RELL1: variants seen among roughly 807,000 people sequenced by gnomAD.
RELL1 encodes RELT-like protein 1.
RELL1 carries 10 observed loss-of-function variants against 23.0 expected under a neutral mutation model. The observed-to-expected ratio is 0.43, with a 90% confidence interval of 0.27 to 0.74. RELL1 has a LOEUF of 0.74. Ranked by LOEUF, RELL1 falls within the 30% of genes least tolerant of loss-of-function variation. The pLI, the probability that RELL1 is intolerant of heterozygous loss-of-function variation, is 0.19. For synonymous variants in RELL1, 146 were observed against 146.8 expected (o/e 0.99, Z 0.04); for missense variants, 315 against 364.4 (o/e 0.86, Z 1.10).
chr4:37,605,739 CAAG>C (rs1371349314), downstream of RELL1, among the ~76,000 whole-genome samples: 1 of 110,818 alleles, frequency 9.0e-6, no homozygotes, highest in Non-Finnish European at 1.8e-5. Flanking sequence ...GAGACTTTGT[CAAG>C]AAAGAAAGAA....
In RELL1 at chr4:37,634,776, T is replaced by C; in HGVS notation, c.680+111A>G. On this transcript the variant is annotated intron_variant, in intron 5 of 6. Transcript: ENST00000454158. ...AAAACATCTAAAAAGCCCAGAGATA[T>C]AACCTGAGACAGGCACAGAGAACAT... The C allele has an allele frequency of 4.2e-6, 4 of 949,130 alleles. No homozygotes were observed. In the East Asian group the frequency reaches 9.6e-5, roughly 23 times the overall value. 58.8% of individuals were successfully genotyped at this position (949,130 alleles called of 1,614,324 possible).
At chr4:37,669,864 C>A (rs1309939068) in intron 1 of RELL1, among the ~76,000 whole-genome samples, 9 of 151,500 alleles carry the variant, frequency 5.9e-5, no homozygotes, top group South Asian at 4.2e-4. Context: ...GTCATCACCA[C>A]TCCCTAATCT....
At chr4:37,604,798 G>GACACACACACACACACACACACAC (rs368655689) in intron 6 of RELL1, among the ~76,000 whole-genome samples, 4 of 116,432 alleles carry the variant, frequency 3.4e-5, no homozygotes, top group South Asian at 2.8e-4. Flanking sequence ...CACACACACA[G>GACACACACACACACACACACACAC]ACACACACAC....
chr4:37,681,501 C>A (rs554911743), intron 1 of RELL1, among the ~76,000 whole-genome samples: 28 of 143,672 alleles, frequency 1.9e-4, no homozygotes, highest in Admixed American at 6.4e-4. Context: ...ATGCTGCAGG[C>A]ATCAGGGTCT....
At chr4:37,668,548 C>T (rs1453702638) in intron 1 of RELL1, among the ~76,000 whole-genome samples, 2 of 152,014 alleles carry the variant, frequency 1.3e-5, no homozygotes, top group African/African-American at 4.8e-5. Context: ...AGTGCAGTGG[C>T]GTGATCTCGG....
At chr4:37,609,964 G>A (rs1719324914), downstream of RELL1, among the ~76,000 whole-genome samples, 1 of 152,156 alleles carries the variant, frequency 6.6e-6, no homozygotes, top group Admixed American at 6.5e-5. Flanking sequence ...AGTTGATAAA[G>A]CAGCATCAGA....
intron 1 of RELL1, among the ~76,000 whole-genome samples, chr4:37,669,840 C>T (rs1721761278): frequency 6.6e-6 from 1 of 151,544 alleles, no homozygotes; most frequent in Non-Finnish European, 1.5e-5. Context: ...TTGAAGGCAG[C>T]ATGCTCGTTA....
intron 6 of RELL1, among the ~76,000 whole-genome samples, chr4:37,624,572 C>A (rs1172247395): frequency 6.6e-6 from 1 of 151,696 alleles, no homozygotes; most frequent in African/African-American, 2.4e-5. Context: ...TACAGGCACC[C>A]GCCACCACGC....
At chr4:37,587,662 T>C (rs1248659440), downstream of RELL1, among the ~76,000 whole-genome samples, 1 of 152,196 alleles carries the variant, frequency 6.6e-6, no homozygotes, top group Admixed American at 6.5e-5. Flanking sequence ...AGATTCTGTT[T>C]TGGCTTGTCT....
At chr4:37,664,860 C>A (rs1721475908) in intron 1 of RELL1, among the ~76,000 whole-genome samples, 1 of 152,076 alleles carries the variant, frequency 6.6e-6, no homozygotes, top group Admixed American at 6.5e-5. Flanking sequence ...ACATTTTCCC[C>A]ACCCACCTCA....
intron 4 of RELL1, among the ~76,000 whole-genome samples, chr4:37,635,829 A>G (rs1389929384): frequency 1.3e-5 from 2 of 152,238 alleles, no homozygotes; most frequent in Non-Finnish European, 2.9e-5. Flanking sequence ...CTCTAAGTAT[A>G]TATGCCCTGG....
chr4:37,634,833 C>T, intron 5 of RELL1, 54 bp downstream of exon 5: 2 of 1,444,406 alleles, frequency 1.4e-6, no homozygotes, highest in Non-Finnish European at 2.0e-6. Flanking sequence ...CAGAAGTCCA[C>T]ACACCAGAGC....
Position 37,649,293 on chromosome 4 carries a change from T to G in RELL1, c.296A>C (p.Glu99Ala). ...TTATTTACCTATCTTTTCAACCTTT[T>G]CCTCTTCGATATCTTGCTCTGCTTC... The part of the protein sequence containing the change: ...TTEAEQDIEE[E>A]KVEKIELNDS... The change falls in exon 2 of 7, where the codon GAA (glutamate) becomes GCA (alanine). Residue 99 changes from glutamate to alanine, a missense_variant. Glu to Ala is a moderately radical substitution (Grantham distance 107). Transcript: ENST00000454158. 2.5e-6 allele frequency: 4 copies of G among 1,614,120 alleles called. No homozygotes were observed. Among genetic ancestry groups the G allele is most frequent in the Non-Finnish European group, 3.4e-6 (4 of 1,179,968 alleles).
At chr4:37,617,398 A>G (rs1045305616) in intron 6 of RELL1, among the ~76,000 whole-genome samples, 15 of 152,238 alleles carry the variant, frequency 9.9e-5, no homozygotes, top group Non-Finnish European at 1.8e-4. Flanking sequence ...ACAACACTAT[A>G]AAGTCAGCGG....
In RELL1 at chr4:37,623,042, A is replaced by G. The variant is rs558769034; in HGVS notation, c.*3+8343T>C. ...CTGGTCTCGAACTCCTGACCTCATG[A>G]TCTGCCCACCTTGGCCTCCCAAAGT... On this transcript the variant is annotated intron_variant, in intron 6 of 6. Coordinates refer to ENST00000454158, the MANE Select transcript of RELL1 (RefSeq NM_001085400.2). 17 of 343,834 alleles carry G rather than the reference A, an allele frequency of 4.9e-5. No homozygotes were observed. The East Asian group carries it at 1.3e-3, about 27-fold the overall frequency. The allele number at this position is 343,834 out of a possible 1,614,324, so 21.3% of individuals were successfully genotyped here. A position where few individuals can be genotyped will look rare whatever the true frequency, so the allele number is the denominator to read the frequency against.
chr4:37,655,048 G>A (rs1721075133), intron 1 of RELL1, among the ~76,000 whole-genome samples: 1 of 152,164 alleles, frequency 6.6e-6, no homozygotes, highest in Non-Finnish European at 1.5e-5. Flanking sequence ...AGCAGAGGCT[G>A]TTAGTCATTT....
At chr4:37,604,798 GAC>G (rs368655689) in intron 6 of RELL1, among the ~76,000 whole-genome samples, 8 of 116,444 alleles carry the variant, frequency 6.9e-5, no homozygotes, top group African/African-American at 1.0e-4. Context: ...CACACACACA[GAC>G]ACACACACAG....
rs1247159884 is a variant in RELL1, at chr4:37,669,398, G to A, written c.88+16802C>T. 3.4e-5 allele frequency among the ~76,000 whole-genome samples: 5 copies of A among 149,086 alleles called. No individual in the cohort carries two copies. The East Asian group carries it at 8.2e-4, about 24-fold the overall frequency. ...CCCGGCCCGGCCAGCCGCCCCGTCC[G>A]GGAGGGAGGTGGGGGGGTCAGCCCC... On this transcript the variant is annotated intron_variant, in intron 1 of 6. Coordinates refer to ENST00000454158, the MANE Select transcript of RELL1 (RefSeq NM_001085400.2).
intron 5 of RELL1, among the ~76,000 whole-genome samples, chr4:37,633,408 CAAAAAAAAAAAAAAA>C (rs57256942): frequency 2.1e-4 from 13 of 63,018 alleles, no homozygotes; most frequent in Non-Finnish European, 3.1e-4. Context: ...GACTCCACCT[CAAAAAAAAAAAAAAA>C]AAAAAAAAAA....
Sources: gnomAD v4.1 joint callset for allele counts (sites outside exome capture counted in the v4.1 genomes callset) on GRCh38, gnomAD v4.1.1 for gene constraint, MANE v1.5 for transcripts, NCBI Gene and HGNC (gene_info 2026-07-23, HGNC 2026-07-21) for gene names.